The following CSMD1 variants were observed in gnomAD, a reference collection of about 807,000 sequenced individuals.
CSMD1 encodes the protein CUB and sushi domain-containing protein 1.
CSMD1 carries 213 observed loss-of-function variants against 417.5 expected under a neutral mutation model. The ratio of observed to expected loss-of-function variants is 0.51; its 90% CI spans 0.46 to 0.57. CSMD1 has a LOEUF of 0.57. Ranked by LOEUF, CSMD1 falls within the 20% of genes least tolerant of loss-of-function variation. CSMD1 has a pLI of 0.00. For missense variants in CSMD1, 6,923 were observed against 4,529.7 expected (o/e 1.53, Z -15.17); for synonymous variants, 2,862 against 1,736.8 (o/e 1.65, Z -16.11).
intron 5 of CSMD1, among the ~76,000 whole-genome samples, chr8:3,776,899 G>C (rs896573518): frequency 6.0e-5 from 9 of 151,248 alleles, no homozygotes; most frequent in African/African-American, 1.7e-4. Context: ...ATTTTTTGCA[G>C]AGACGGGGTC....
At chr8:4,825,570 C>A (rs1247545030) in intron 1 of CSMD1, among the ~76,000 whole-genome samples, 1 of 143,370 alleles carries the variant, frequency 7.0e-6, no homozygotes, top group African/African-American at 2.6e-5. Context: ...GTCTTAGATA[C>A]TTCATACAAG....
At chr8:4,730,369 T>C (rs1167066547) in intron 1 of CSMD1, among the ~76,000 whole-genome samples, 1 of 152,172 alleles carries the variant, frequency 6.6e-6, no homozygotes, top group Non-Finnish European at 1.5e-5. Flanking sequence ...TGAAAACATA[T>C]TCAAACTAAA....
chr8:4,444,149 C>G (rs1395220929), intron 2 of CSMD1, among the ~76,000 whole-genome samples: 1 of 151,882 alleles, frequency 6.6e-6, no homozygotes, highest in East Asian at 1.9e-4. Flanking sequence ...TGAGACCACT[C>G]TGGCCAACAT....
chr8:3,058,727 G>A (rs746124953), intron 49 of CSMD1, among the ~76,000 whole-genome samples: 1 of 151,954 alleles, frequency 6.6e-6, no homozygotes, highest in East Asian at 1.9e-4. Context: ...AACAGGCTGC[G>A]TGGTCTCGGA....
intron 4 of CSMD1, among the ~76,000 whole-genome samples, chr8:4,008,592 CTTTT>C (rs1201409236): frequency 2.7e-4 from 23 of 86,586 alleles, no homozygotes; most frequent in African/African-American, 8.9e-4. Context: ...TATTTTCTTT[CTTTT>C]TTTCTTTTTT....
intron 2 of CSMD1, among the ~76,000 whole-genome samples, chr8:4,472,852 A>G (rs1371114872): frequency 1.3e-5 from 2 of 152,018 alleles, no homozygotes; most frequent in African/African-American, 4.8e-5. Flanking sequence ...GTGTGATGAC[A>G]TATGATTAAA....
At chr8:4,224,931 T>C (rs1036914357) in intron 3 of CSMD1, among the ~76,000 whole-genome samples, 72 of 152,130 alleles carry the variant, frequency 4.7e-4, no homozygotes, top group African/African-American at 1.7e-3. Context: ...CCCAATATTG[T>C]GAAACCCCAT....
rs553907466 is a variant in CSMD1, at chr8:3,781,343, A to C, written c.819-27301T>G. On this transcript the variant is annotated intron_variant, in intron 5 of 69. Transcript: ENST00000635120. ...GTTCTTTTCATTCTTTACTCATTGA[A>C]CACGGAGTCTAGGGTCAGGTCAAGC... 2.6e-5 allele frequency among the ~76,000 whole-genome samples: 4 copies of C among 152,250 alleles called. No homozygotes were observed. The East Asian group carries it at 7.7e-4, about 29-fold the overall frequency.
chr8:4,975,238 C>A (rs997309952), intron 1 of CSMD1, among the ~76,000 whole-genome samples: 1 of 152,100 alleles, frequency 6.6e-6, no homozygotes, highest in South Asian at 2.1e-4. Context: ...GAAAAAAAGT[C>A]TCCAAGGATA....
chr8:4,932,480 T>C lies in CSMD1; in HGVS notation c.85+61852A>G, dbSNP rs561376250. On this transcript the variant is annotated intron_variant, in intron 1 of 69. Transcript: ENST00000635120. ...TAAAGAGAAATAATATACTACCTCA[T>C]TAAGGCCTATTTCAATTAAAATGAG... is the stretch of plus-strand genomic sequence containing the variant. Among the ~76,000 whole-genome samples, 153 of 152,302 alleles carry C rather than the reference T, an allele frequency of 1.0e-3. 4 individuals carry two copies. In the South Asian group the frequency reaches 0.028, roughly 28 times the overall value.
intron 1 of CSMD1, among the ~76,000 whole-genome samples, chr8:4,846,415 T>G (rs916944988): frequency 3.3e-5 from 5 of 152,214 alleles, no homozygotes; most frequent in Admixed American, 3.3e-4. Flanking sequence ...ACTCAGCCAG[T>G]GCCCCAGCCA....
intron 25 of CSMD1, among the ~76,000 whole-genome samples, chr8:3,285,837 T>TATA (rs541512013): frequency 1.3e-5 from 2 of 151,000 alleles, no homozygotes; most frequent in African/African-American, 4.9e-5. Flanking sequence ...ATATATATAT[T>TATA]TTATTATTAT....
chr8:4,712,124 C>T (rs771430434), intron 1 of CSMD1, among the ~76,000 whole-genome samples: 4 of 152,160 alleles, frequency 2.6e-5, no homozygotes, highest in African/African-American at 9.7e-5. Context: ...ATGGGACTGA[C>T]CGTGGTTGAA....
intron 1 of CSMD1, among the ~76,000 whole-genome samples, chr8:4,819,435 C>T (rs988602478): frequency 6.7e-6 from 1 of 150,350 alleles, no homozygotes; most frequent in Non-Finnish European, 1.5e-5. Context: ...TAAAATTTCC[C>T]AACTGACTTA....
rs550013934 is a variant in CSMD1 at position 4,119,010 on chromosome 8, A to G, written c.416-86911T>C. On this transcript the variant is annotated intron_variant, in intron 3 of 69. Transcript: ENST00000635120. ...ACAAGAACGGCAAACCAAACACCAC[A>G]TGTTCTCACTCATAAGTGGGAGTTG... 2.0e-5 allele frequency among the ~76,000 whole-genome samples: 3 copies of G among 152,294 alleles called. No individual in the cohort carries two copies. The South Asian group carries it at 6.2e-4, about 32-fold the overall frequency.
chr8:3,896,505 C>CTAT lies in CSMD1; in HGVS notation c.818+101395_818+101397dup, dbSNP rs570513032. Among the ~76,000 whole-genome samples, 382 of 151,084 alleles carry CTAT rather than the reference C, an allele frequency of 2.5e-3. 2 individuals carry two copies. Among genetic ancestry groups the CTAT allele is most frequent in the East Asian group, 3.1e-3 (16 of 5,108 alleles). Reference sequence around the variant, plus strand: ...CCAAATAAGGTCTTGAATATTATTACTATTATTATTATTATTATTATTTTG... The same window carrying CTAT: ...CCAAATAAGGTCTTGAATATTATTACTATTATTATTATTATTATTATTATTTTG... On this transcript the variant is annotated intron_variant, in intron 5 of 69. Coordinates refer to ENST00000635120, the MANE Select transcript of CSMD1 (RefSeq NM_033225.6).
chr8:3,200,027 T>C (rs529417644), intron 32 of CSMD1, among the ~76,000 whole-genome samples: 1 of 152,332 alleles, frequency 6.6e-6, no homozygotes, highest in East Asian at 1.9e-4. Context: ...AAATATACTG[T>C]AATCATTATT....
At chr8:3,052,313 C>A in intron 50 of CSMD1, 149 bp downstream of exon 50, 1 of 586,986 alleles carries the variant, frequency 1.7e-6, no homozygotes, top group South Asian at 2.4e-5. Flanking sequence ...ATATGAAATA[C>A]ATTGGTTTTA....
At chr8:4,225,332 T>C (rs943540294) in intron 3 of CSMD1, among the ~76,000 whole-genome samples, 2 of 152,174 alleles carry the variant, frequency 1.3e-5, no homozygotes, top group African/African-American at 4.8e-5. Context: ...CTTGATGTTA[T>C]TTTAATTTCC....
Sources: allele counts gnomAD v4.1 joint callset (sites outside exome capture counted in the v4.1 genomes callset), GRCh38; gene constraint gnomAD v4.1.1; transcripts MANE v1.5; gene names NCBI Gene and HGNC (gene_info 2026-07-23, HGNC 2026-07-21).